The following FBXL18 variants were observed in gnomAD, a reference collection of about 807,000 sequenced individuals.
FBXL18 encodes F-box/LRR-repeat protein 18.
A neutral mutation model predicts 46.0 loss-of-function variants in FBXL18; 36 were observed. The observed-to-expected ratio is 0.78, with a 90% CI of 0.60 to 1.03. FBXL18 has a LOEUF of 1.03. Among genes scored for constraint, FBXL18 ranks in the 50% least tolerant of loss-of-function variants. FBXL18 has a pLI of 0.00. For synonymous variants in FBXL18, 557 were observed against 465.3 expected, an observed-to-expected ratio of 1.20 and a Z score of -2.54; for missense variants, 977 against 1,004.1, an observed-to-expected ratio of 0.97 and a Z score of 0.36.
At chr7:5,473,864 G>A (rs1307395251), downstream of FBXL18, among the ~76,000 whole-genome samples, 1 of 151,782 alleles carries the variant, frequency 6.6e-6, no homozygotes, top group Non-Finnish European at 1.5e-5. Context: ...GTGCGGCCTT[G>A]GCTCACTGCA....
At chr7:5,510,874 G>T (rs1201875656) in intron 1 of FBXL18, among the ~76,000 whole-genome samples, 1 of 152,094 alleles carries the variant, frequency 6.6e-6, no homozygotes, top group African/African-American at 2.4e-5. Context: ...TCCAATTCTG[G>T]TGTGAGTGGC....
At chr7:5,469,604 G>A (rs1411049782) in intron 4 of FBXL18, among the ~76,000 whole-genome samples, 4 of 151,930 alleles carry the variant, frequency 2.6e-5, no homozygotes, top group South Asian at 2.1e-4. Flanking sequence ...AGATGAGAAC[G>A]TGTGTGGTGT....
intron 1 of FBXL18, among the ~76,000 whole-genome samples, chr7:5,509,303 G>A (rs2128239049): frequency 6.6e-6 from 1 of 151,788 alleles, no homozygotes; most frequent in Non-Finnish European, 1.5e-5. Context: ...AAAAAGAGAG[G>A]GAGAGACAGC....
intron 3 of FBXL18, among the ~76,000 whole-genome samples, chr7:5,494,588 C>A (rs1784024233): frequency 6.6e-6 from 1 of 152,192 alleles, no homozygotes. Context: ...AATACCACCT[C>A]TCCCTAAAAA....
rs1278576158 is a variant in FBXL18 at position 5,479,636 on chromosome 7, C to T, written c.*2139G>A. Reference sequence around the variant, plus strand: ...CCCCTGGGGCCGTGGGCAGCTGGTCCTGCGGCCTGCAGACTAGGAGACGGG... The same window carrying T: ...CCCCTGGGGCCGTGGGCAGCTGGTCTTGCGGCCTGCAGACTAGGAGACGGG... On this transcript the variant is annotated 3_prime_UTR_variant, in exon 5 of 5. Coordinates refer to ENST00000382368, the MANE Select transcript of FBXL18 (RefSeq NM_024963.6). 1 of 152,354 alleles carries T rather than the reference C, an allele frequency of 6.6e-6. No homozygotes were observed. Among genetic ancestry groups the T allele is most frequent in the Admixed American group, 6.5e-5 (1 of 15,280 alleles). 9.4% of individuals were successfully genotyped at this position (152,354 alleles called of 1,614,324 possible). A position where few individuals can be genotyped will look rare whatever the true frequency, so the allele number is the denominator to read the frequency against.
intron 3 of FBXL18, among the ~76,000 whole-genome samples, chr7:5,500,185 C>T (rs911654495): frequency 6.6e-6 from 1 of 151,838 alleles, no homozygotes; most frequent in African/African-American, 2.4e-5. Context: ...TGCTGAGTGG[C>T]AACAATGATG....
chr7:5,492,720 A>G (rs1783962589), intron 3 of FBXL18, among the ~76,000 whole-genome samples: 1 of 152,140 alleles, frequency 6.6e-6, no homozygotes, highest in Non-Finnish European at 1.5e-5. Flanking sequence ...AGAGATACCC[A>G]GACACAGACA....
chr7:5,460,516 C>G (rs923836566), intron 4 of FBXL18, among the ~76,000 whole-genome samples: 12 of 152,166 alleles, frequency 7.9e-5, no homozygotes, highest in African/African-American at 2.7e-4. Context: ...TGCAATGGTG[C>G]GATCTCCGCT....
intron 4 of FBXL18, among the ~76,000 whole-genome samples, chr7:5,462,990 A>C (rs1321883436): frequency 2.0e-5 from 1 of 50,358 alleles, no homozygotes; most frequent in Non-Finnish European, 4.4e-5. Flanking sequence ...ATATATATAT[A>C]TATATAATAT....
chr7:5,456,435 C>T (rs549297991), intron 4 of FBXL18, among the ~76,000 whole-genome samples: 180 of 152,314 alleles, frequency 1.2e-3, no homozygotes, highest in African/African-American at 4.2e-3. Context: ...TCATCTCACG[C>T]GGTCAATTAC....
At chr7:5,508,984 G>C (rs1455562349) in intron 1 of FBXL18, among the ~76,000 whole-genome samples, 1 of 152,142 alleles carries the variant, frequency 6.6e-6, no homozygotes, top group African/African-American at 2.4e-5. Flanking sequence ...CCTGAGGTCA[G>C]GAGTTTGAGA....
At chr7:5,484,311 C>G (rs1270879883) in intron 4 of FBXL18, among the ~76,000 whole-genome samples, 1 of 148,058 alleles carries the variant, frequency 6.8e-6, no homozygotes, top group Non-Finnish European at 1.5e-5. Context: ...ACTAAAAATA[C>G]AAAAAAAAAA....
In FBXL18 at chr7:5,500,661, C is replaced by G. The variant is rs1162263676; in HGVS notation, c.1608G>C (p.Leu536=). 3 of 1,611,594 alleles carry G rather than the reference C, an allele frequency of 1.9e-6. No homozygotes were observed. The highest frequency in any genetic ancestry group is 2.5e-6 in the Non-Finnish European group (3 of 1,179,284). ...GGACGCTGGGCAGCTGTGCGAGCGT[C>G]AGGTGCCGCAGGAAGGCCAGCTGGC... ...AIGQLAFLRH[L]TLAQLPSVLT... is the part of the protein sequence containing the mutation. Residue 536 remains leucine, a synonymous_variant, in exon 3 of 5, where the codon CTG becomes CTC. Transcript: ENST00000382368.
intron 3 of FBXL18, among the ~76,000 whole-genome samples, chr7:5,494,493 T>C (rs1784021995): frequency 6.6e-6 from 1 of 152,180 alleles, no homozygotes; most frequent in Non-Finnish European, 1.5e-5. Context: ...AAATTGTCTT[T>C]ATTTTTCTAT....
chr7:5,478,099 G>C lies in FBXL18; in HGVS notation c.*3676C>G, dbSNP rs1237993871. 1 of 152,532 alleles carries C rather than the reference G, an allele frequency of 6.6e-6. No homozygotes were observed. Among genetic ancestry groups the C allele is most frequent in the South Asian group, 2.1e-4 (1 of 4,836 alleles). 9.4% of individuals were successfully genotyped at this position (152,532 alleles called of 1,614,324 possible). ...CAACCCTTGTGTGTTTGCAGCGCAA[G>C]AGGAGCTCAGCCCGTCCTGGCTGCC... On this transcript the variant is annotated 3_prime_UTR_variant, in exon 5 of 5. Transcript: ENST00000382368.
At chr7:5,469,809 C>T (rs1783400055) in intron 4 of FBXL18, among the ~76,000 whole-genome samples, 1 of 151,582 alleles carries the variant, frequency 6.6e-6, no homozygotes. Flanking sequence ...AGTGTGAGCA[C>T]TGCTGGAACT....
intron 2 of FBXL18, 35 bp downstream of exon 2, chr7:5,505,377 C>T (rs1265748540): frequency 2.5e-6 from 4 of 1,591,426 alleles, no homozygotes; most frequent in Middle Eastern, 1.7e-4. Flanking sequence ...TGAGATCTAG[C>T]TTGTTTCTCA....
intron 4 of FBXL18, among the ~76,000 whole-genome samples, chr7:5,461,027 C>T (rs1783236324): frequency 6.6e-6 from 1 of 152,196 alleles, no homozygotes; most frequent in Non-Finnish European, 1.5e-5. Context: ...GCTGTGTTTG[C>T]ACCATAAATT....
chr7:5,481,855 C>G lies in FBXL18; in HGVS notation c.2077G>C (p.Asp693His). The G allele has an allele frequency of 6.2e-7, 1 of 1,613,864 alleles. No homozygotes were observed. Among genetic ancestry groups the G allele is most frequent in the Non-Finnish European group, 8.5e-7 (1 of 1,179,978 alleles). The change falls in exon 5 of 5, where the codon GAC becomes CAC. Residue 693 changes from aspartate to histidine, a missense_variant. By Grantham distance (81) the Asp-to-His change is moderately conservative. Transcript: ENST00000382368. The part of the protein sequence containing the change: ...LHEGLTDVIR[D>H]VPLVHLDEIT... ...TCATCCAGGTGCACCAGGGGGACGTCCCGGATGACGTCGGTCAGGCCCTCG... is the reference window on the plus strand; with the variant it reads ...TCATCCAGGTGCACCAGGGGGACGTGCCGGATGACGTCGGTCAGGCCCTCG...
Sources: gnomAD v4.1 joint callset for allele counts (sites outside exome capture counted in the v4.1 genomes callset) on GRCh38, gnomAD v4.1.1 for gene constraint, MANE v1.5 for transcripts, NCBI Gene and HGNC (gene_info 2026-07-23, HGNC 2026-07-21) for gene names.